FBXL17: variants seen among roughly 807,000 people sequenced by gnomAD.
The protein encoded by FBXL17 is F-box/LRR-repeat protein 17.
Under a neutral mutation model 66.2 loss-of-function variants are expected in FBXL17, and 22 were observed. The ratio of observed to expected loss-of-function variants is 0.33; its 90% CI spans 0.24 to 0.47. The LOEUF (loss-of-function observed/expected upper bound fraction) is 0.47. Among genes scored for constraint, FBXL17 ranks in the 20% least tolerant of loss-of-function variants. The pLI, the probability that FBXL17 is intolerant of heterozygous loss-of-function variation, is 1.00. For missense variants in FBXL17, 878 were observed against 948.2 expected (o/e 0.93, Z 0.97); for synonymous variants, 474 against 400.5 (o/e 1.18, Z -2.19).
At chr5:108,332,941 C>CAA (rs34218940) in intron 4 of FBXL17, among the ~76,000 whole-genome samples, 4,962 of 34,710 alleles carry the variant, frequency 0.14, 569 homozygotes, top group South Asian at 0.27. Context: ...AAAGCAAAAG[C>CAA]AAAAAAAAAA....
intron 7 of FBXL17, among the ~76,000 whole-genome samples, chr5:107,882,355 A>AT (rs10641660): frequency 0.013 from 1,945 of 148,240 alleles, 28 homozygotes; most frequent in African/African-American, 0.033. Flanking sequence ...TTACCTCAGT[A>AT]TTTTTTTTTT....
At chr5:108,188,806 C>T (rs1352242025) in intron 5 of FBXL17, among the ~76,000 whole-genome samples, 2 of 152,062 alleles carry the variant, frequency 1.3e-5, no homozygotes, top group Non-Finnish European at 2.9e-5. Flanking sequence ...GCAAACATAG[C>T]GCCTGTTTCC....
intron 6 of FBXL17, among the ~76,000 whole-genome samples, chr5:108,040,012 T>C (rs1014030704): frequency 3.3e-5 from 5 of 152,184 alleles, no homozygotes; most frequent in African/African-American, 1.2e-4. Flanking sequence ...GAAAAGTTTA[T>C]ATTATAGTTT....
rs183059181 is a variant in FBXL17, at chr5:108,133,881, G to C, written c.1745+52236C>G. On this transcript the variant is annotated intron_variant, in intron 6 of 8. Coordinates refer to ENST00000542267, the MANE Select transcript of FBXL17 (RefSeq NM_001163315.3). ...GGCACACGTAAAACATTCAGCAGAA[G>C]TCCAATACACAGTAGGTATTCAGTA... Among the ~76,000 whole-genome samples, 11 of 152,194 alleles carry C rather than the reference G, an allele frequency of 7.2e-5. No individual in the cohort carries two copies. In the East Asian group the frequency reaches 1.9e-3, roughly 27 times the overall value.
intron 7 of FBXL17, among the ~76,000 whole-genome samples, chr5:107,891,254 C>A (rs1487076446): frequency 3.9e-5 from 6 of 151,958 alleles, no homozygotes; most frequent in African/African-American, 1.5e-4. Context: ...GATGGAGTGC[C>A]GTTGAGATGA....
At chr5:108,360,576 A>G (rs1407065614) in intron 3 of FBXL17, among the ~76,000 whole-genome samples, 2 of 152,018 alleles carry the variant, frequency 1.3e-5, no homozygotes, top group African/African-American at 2.4e-5. Context: ...TCTCTTTGAC[A>G]TTATCCTCCC....
intron 4 of FBXL17, among the ~76,000 whole-genome samples, chr5:108,313,448 T>C (rs1759215992): frequency 6.6e-6 from 1 of 152,068 alleles, no homozygotes. Context: ...ACCACTGTGT[T>C]GGTGAGGGAA....
At chr5:108,141,256 C>A (rs1310699945) in intron 6 of FBXL17, among the ~76,000 whole-genome samples, 2 of 152,120 alleles carry the variant, frequency 1.3e-5, no homozygotes, top group African/African-American at 4.8e-5. Flanking sequence ...GTCTCAGGTC[C>A]GGTGTTTTTC....
At chr5:108,002,982 T>C (rs1753792309) in intron 7 of FBXL17, among the ~76,000 whole-genome samples, 1 of 152,226 alleles carries the variant, frequency 6.6e-6, no homozygotes, top group South Asian at 2.1e-4. Context: ...ATTGTGATGA[T>C]TTCACAACTC....
intron 4 of FBXL17, among the ~76,000 whole-genome samples, chr5:108,232,946 T>C (rs1580662205): frequency 6.6e-6 from 1 of 151,268 alleles, no homozygotes. Context: ...CTTGAACTGT[T>C]TCCAATTTGG....
At chr5:108,238,203 A>T (rs1421967339) in intron 4 of FBXL17, among the ~76,000 whole-genome samples, 1 of 152,248 alleles carries the variant, frequency 6.6e-6, no homozygotes, top group African/African-American at 2.4e-5. Context: ...TTTATAAATC[A>T]TTTCAGTAAG....
At chr5:107,880,422 C>T (rs971710051) in intron 8 of FBXL17, 87 of 988,502 alleles carry the variant, frequency 8.8e-5, no homozygotes, top group Non-Finnish European at 9.6e-5. Context: ...AAATGCTACA[C>T]CATTTCCTAA....
chr5:108,067,631 G>A (rs1160350596), intron 6 of FBXL17, among the ~76,000 whole-genome samples: 1 of 151,780 alleles, frequency 6.6e-6, no homozygotes, highest in Admixed American at 6.6e-5. Flanking sequence ...CTATAATTAA[G>A]ACTACTGCAC....
intron 4 of FBXL17, among the ~76,000 whole-genome samples, chr5:108,232,325 G>A (rs907466763): frequency 6.6e-6 from 1 of 152,094 alleles, no homozygotes; most frequent in Non-Finnish European, 1.5e-5. Context: ...GTGTAATTAT[G>A]ACCTTATTAT....
At chr5:108,014,995 A>G (rs1325019240) in intron 7 of FBXL17, among the ~76,000 whole-genome samples, 3 of 152,192 alleles carry the variant, frequency 2.0e-5, no homozygotes, top group Non-Finnish European at 4.4e-5. Flanking sequence ...ATTATGATTC[A>G]ACTATCTCCC....
At chr5:107,882,551 T>C (rs921136816) in intron 7 of FBXL17, among the ~76,000 whole-genome samples, 1 of 152,206 alleles carries the variant, frequency 6.6e-6, no homozygotes, top group African/African-American at 2.4e-5. Flanking sequence ...TTGTGCATGC[T>C]GTTTTGATAT....
At chr5:108,341,314 A>G (rs1447401007) in intron 4 of FBXL17, among the ~76,000 whole-genome samples, 2 of 152,132 alleles carry the variant, frequency 1.3e-5, no homozygotes, top group African/African-American at 2.4e-5. Context: ...AAATAATACC[A>G]CATCATGGGT....
At chr5:107,971,042 T>G (rs1412330216) in intron 7 of FBXL17, among the ~76,000 whole-genome samples, 2 of 152,234 alleles carry the variant, frequency 1.3e-5, no homozygotes, top group African/African-American at 4.8e-5. Flanking sequence ...TACAGTCAGT[T>G]CTTCTATAAA....
rs150911400 is a variant in FBXL17 at position 108,058,709 on chromosome 5, T to C, written c.1746-37708A>G. Reference sequence around the variant, plus strand: ...AAAGAAAAGGAGAATGAAACTGAAATGCAGGTGAATTTGGGCCAGGTCTGT... The same window carrying C: ...AAAGAAAAGGAGAATGAAACTGAAACGCAGGTGAATTTGGGCCAGGTCTGT... On this transcript the variant is annotated intron_variant, in intron 6 of 8. Transcript: ENST00000542267. 4.6e-3 allele frequency among the ~76,000 whole-genome samples: 708 copies of C among 152,260 alleles called. 6 individuals are homozygous for C. The highest frequency in any genetic ancestry group is 0.02 in the Middle Eastern group (6 of 294).
Sources: allele counts gnomAD v4.1 joint callset (sites outside exome capture counted in the v4.1 genomes callset), GRCh38; gene constraint gnomAD v4.1.1; transcripts MANE v1.5; gene names NCBI Gene and HGNC (gene_info 2026-07-23, HGNC 2026-07-21).